BBS9: variants seen among roughly 807,000 people sequenced by gnomAD.
BBS9 encodes the protein Bardet-Biedl syndrome 9, also known as protein PTHB1.
A neutral mutation model predicts 117.7 loss-of-function variants in BBS9; 89 were observed. The observed-to-expected ratio is 0.76, with a 90% confidence interval of 0.64 to 0.90. BBS9 has a LOEUF of 0.90. Among genes scored for constraint, BBS9 ranks in the 40% least tolerant of loss-of-function variants. BBS9 has a pLI of 0.00. For missense variants in BBS9, 982 were observed against 1,042.2 expected (o/e 0.94, Z 0.80); for synonymous variants, 379 against 370.9 (o/e 1.02, Z -0.25).
At chr7:33,468,222 G>A (rs1331881149) in intron 19 of BBS9, among the ~76,000 whole-genome samples, 6 of 152,164 alleles carry the variant, frequency 3.9e-5, no homozygotes, top group Admixed American at 3.3e-4. Context: ...AAGGCCGTGT[G>A]GACACAGTGA....
chr7:33,178,857 T>C (rs1797713948), intron 5 of BBS9, among the ~76,000 whole-genome samples: 1 of 152,090 alleles, frequency 6.6e-6, no homozygotes, highest in Non-Finnish European at 1.5e-5. Flanking sequence ...TCAGGGATAT[T>C]TTTGGTGGTG....
rs1358395298 is a variant in BBS9 at position 33,363,959 on chromosome 7, T to A, written c.1694-3808T>A. 9.8e-5 allele frequency among the ~76,000 whole-genome samples: 9 copies of A among 91,974 alleles called. 2 individuals carry two copies. Among genetic ancestry groups the A allele is most frequent in the Admixed American group, 3.8e-4 (4 of 10,542 alleles). 60.3% of individuals were successfully genotyped at this position (91,974 alleles called of 152,430 possible). A position where few individuals can be genotyped will look rare whatever the true frequency, so the allele number is the denominator to read the frequency against. On this transcript the variant is annotated intron_variant, in intron 16 of 22. Coordinates refer to ENST00000242067, the MANE Select transcript of BBS9 (RefSeq NM_198428.3). ...ATTTTTTTTTTTATTTTTTATTTTT[T>A]TTTTTTTGAGACGGAGTCTCGCTCT...
intron 19 of BBS9, among the ~76,000 whole-genome samples, chr7:33,473,397 C>T (rs1161390244): frequency 1.4e-5 from 2 of 147,810 alleles, no homozygotes; most frequent in Non-Finnish European, 3.0e-5. Context: ...AATCTTGGCT[C>T]ACTGCAACTT....
downstream of BBS9, among the ~76,000 whole-genome samples, chr7:33,609,208 T>C (rs1461484057): frequency 1.3e-5 from 2 of 152,142 alleles, no homozygotes; most frequent in African/African-American, 2.4e-5. Flanking sequence ...TTTTGTTCCA[T>C]TGGTCTTTGT....
intron 9 of BBS9, among the ~76,000 whole-genome samples, chr7:33,275,519 T>C (rs1313303096): frequency 6.6e-6 from 1 of 152,232 alleles, no homozygotes; most frequent in Non-Finnish European, 1.5e-5. Context: ...CTGTTCTCTT[T>C]GGTCTCTTAA....
chr7:33,196,479 G>A (rs548701261), intron 5 of BBS9, among the ~76,000 whole-genome samples: 4 of 152,236 alleles, frequency 2.6e-5, no homozygotes, highest in Admixed American at 2.6e-4. Flanking sequence ...TTTGTGTGGG[G>A]GTGTTAGTGC....
At chr7:33,234,690 TC>T (rs1793141045) in intron 5 of BBS9, among the ~76,000 whole-genome samples, 4 of 148,494 alleles carry the variant, frequency 2.7e-5, no homozygotes, top group African/African-American at 1.0e-4. Flanking sequence ...TCTCCATCCC[TC>T]CATCTATCCA....
chr7:33,424,877 T>TA (rs1485388099), intron 19 of BBS9, among the ~76,000 whole-genome samples: 3 of 152,132 alleles, frequency 2.0e-5, no homozygotes, highest in African/African-American at 7.2e-5. Context: ...TCACTCAGAG[T>TA]AACAGATGTG....
intron 21 of BBS9, among the ~76,000 whole-genome samples, chr7:33,596,770 AAT>A (rs1862884449): frequency 6.6e-6 from 1 of 152,028 alleles, no homozygotes; most frequent in Non-Finnish European, 1.5e-5. Flanking sequence ...AGAAAGATAA[AAT>A]ATGTTATGAT....
At chr7:33,304,695 A>G (rs1807492820) in intron 9 of BBS9, among the ~76,000 whole-genome samples, 1 of 151,970 alleles carries the variant, frequency 6.6e-6, no homozygotes. Flanking sequence ...TGTCGAAAAG[A>G]AAAGGGGGAA....
intron 17 of BBS9, among the ~76,000 whole-genome samples, chr7:33,378,981 T>C: frequency 6.6e-6 from 1 of 152,258 alleles, no homozygotes; most frequent in East Asian, 1.9e-4. Context: ...TTATGGCGGA[T>C]AGGCTTGCCT....
At chr7:33,400,432 A>C (rs1828717875) in intron 19 of BBS9, among the ~76,000 whole-genome samples, 1 of 152,262 alleles carries the variant, frequency 6.6e-6, no homozygotes, top group Admixed American at 6.5e-5. Context: ...CTTCCTGTTT[A>C]ATCCCATCTG....
At chr7:33,517,832 T>C (rs571152029) in intron 20 of BBS9, among the ~76,000 whole-genome samples, 2 of 152,336 alleles carry the variant, frequency 1.3e-5, no homozygotes, top group South Asian at 2.1e-4. Flanking sequence ...CTGCTCCAAG[T>C]ATTCTCAATG....
intron 2 of BBS9, among the ~76,000 whole-genome samples, chr7:33,146,813 T>A (rs1437938520): frequency 6.6e-6 from 1 of 152,102 alleles, no homozygotes; most frequent in Non-Finnish European, 1.5e-5. Context: ...TTTTTTTTAA[T>A]AATATTTAGG....
chr7:33,196,854 TA>T (rs1241501254), intron 5 of BBS9, among the ~76,000 whole-genome samples: 1 of 152,196 alleles, frequency 6.6e-6, no homozygotes, highest in East Asian at 1.9e-4. Flanking sequence ...AAAATAATGT[TA>T]CTTTCAAATA....
chr7:33,384,165 A>G (rs1017684905), intron 18 of BBS9, among the ~76,000 whole-genome samples: 16 of 152,316 alleles, frequency 1.1e-4, no homozygotes, highest in Middle Eastern at 6.8e-3. Context: ...CATTTGGCTA[A>G]CTAATTCTAG....
intron 9 of BBS9, among the ~76,000 whole-genome samples, chr7:33,304,562 G>T (rs1422260582): frequency 6.6e-6 from 1 of 152,204 alleles, no homozygotes; most frequent in Non-Finnish European, 1.5e-5. Context: ...GAAGTGAGGA[G>T]CGCCTCTGCC....
At chr7:33,495,464 C>CTTGTAGATGTTG (rs999826249) in intron 19 of BBS9, among the ~76,000 whole-genome samples, 1 of 152,114 alleles carries the variant, frequency 6.6e-6, no homozygotes, top group Non-Finnish European at 1.5e-5. Flanking sequence ...CAGATCAGAC[C>CTTGTAGATGTTG]TTGTAGATGT....
chr7:33,227,465 T>TA (rs1159100788), intron 5 of BBS9, among the ~76,000 whole-genome samples: 4 of 151,800 alleles, frequency 2.6e-5, no homozygotes, highest in South Asian at 2.1e-4. Flanking sequence ...TTTAAAAAAT[T>TA]AAAAAAAAGT....
Sources: gnomAD v4.1 joint callset for allele counts (sites outside exome capture counted in the v4.1 genomes callset) on GRCh38, gnomAD v4.1.1 for gene constraint, MANE v1.5 for transcripts, NCBI Gene and HGNC (gene_info 2026-07-23, HGNC 2026-07-21) for gene names.